Variants in NR0B1 observed in about 807,000 individuals in gnomAD.
The protein encoded by NR0B1 is nuclear receptor subfamily 0 group B member 1, also known as DSS-AHC critical region on the X chromosome protein 1.
NR0B1 carries 3 observed loss-of-function variants against 23.0 expected under a neutral mutation model. The observed-to-expected ratio is 0.13, with a 90% CI of 0.06 to 0.34. The LOEUF is 0.34. Ranked by LOEUF, NR0B1 falls within the 10% of genes least tolerant of loss-of-function variation. The pLI is 1.00. For missense variants in NR0B1, 350 were observed against 402.9 expected (o/e 0.87, Z 1.12); for synonymous variants, 205 against 184.0 (o/e 1.11, Z -0.92).
At chrX:30,306,153 A>C (rs1218678894) in intron 1 of NR0B1, among the ~76,000 whole-genome samples, 4 of 111,458 alleles carry the variant, frequency 3.6e-5, no homozygotes, top group African/African-American at 1.3e-4. Context: ...AGAGGCTTGC[A>C]TGAAACTCCA....
In NR0B1 at chrX:30,308,866, C is replaced by T. The variant is rs2269345; in HGVS notation, c.498G>A (p.Arg166=). 299,148 of 1,204,414 alleles carry T rather than the reference C, an allele frequency of 0.25. 30,177 individuals are homozygous for T. The highest frequency in any genetic ancestry group is 0.67 in the East Asian group (22,524 of 33,446). The change falls in exon 1 of 2, where the codon CGG becomes CGA. Residue 166 remains arginine (R), a synonymous_variant. Transcript: ENST00000378970. ...THVAPAAPEA[R]PGGAWWDRSY... is the part of the protein sequence containing the mutation. ...AGCGGTCCCACCACGCGCCCCCTGG[C>T]CGTGCCTCGGGCGCTGCCGGAGCCA...
rs139392265 is a variant in NR0B1, at chrX:30,306,748, C to G, written c.1168+1448G>C. On this transcript the variant is annotated intron_variant, in intron 1 of 1. Transcript: ENST00000378970. ...GGAACATAGTGGATGATTAGTAACACTGGCTGAAGGAATAAGAAGACTGTT... is the reference window on the plus strand; with the variant it reads ...GGAACATAGTGGATGATTAGTAACAGTGGCTGAAGGAATAAGAAGACTGTT... Among the ~76,000 whole-genome samples, 90 of 111,662 alleles carry G rather than the reference C, an allele frequency of 8.1e-4. 1 individual carries two copies. The East Asian group carries it at 0.023, about 29-fold the overall frequency.
Position 30,309,288 on chromosome X carries a change from C to A in NR0B1, c.76G>T (p.Ala26Ser). 8.3e-7 allele frequency: 1 copy of A among 1,207,052 alleles called. No individual in the cohort carries two copies. Among genetic ancestry groups the A allele is most frequent in the Non-Finnish European group, 1.1e-6 (1 of 893,652 alleles). The change falls in exon 1 of 2, where the codon GCT (alanine) becomes TCT (serine). Residue 26 changes from alanine to serine, a missense_variant. Around this residue, in one of 2 missense-constraint regions of NR0B1, gnomAD observed 298 missense variants for 314.0 expected, o/e 0.95. Coordinates refer to ENST00000378970, the MANE Select transcript of NR0B1 (RefSeq NM_000475.5). ...AGCCGCGTCTCTGGAGCCTCAGGAG[C>A]CGCGCGCGTTTGCTTCGCGCTCATA... ...MLMSAKQTRA[A>S]PEAPETRLVD...
In NR0B1 at chrX:30,304,417, C is replaced by A. The variant is rs1440133860; in HGVS notation, c.*162G>T. 16 of 575,595 alleles carry A rather than the reference C, an allele frequency of 2.8e-5. No individual in the cohort carries two copies. Among genetic ancestry groups the A allele is most frequent in the Non-Finnish European group, 2.7e-5 (10 of 376,141 alleles). 47.4% of individuals were successfully genotyped at this position (575,595 alleles called of 1,213,427 possible). A position where few individuals can be genotyped will look rare whatever the true frequency, so the allele number is the denominator to read the frequency against. ...AACTATGGAACAGAGAAATTTGTGACTGTCTGGAATAAAATTATTTCTTTA... is the reference window on the plus strand; with the variant it reads ...AACTATGGAACAGAGAAATTTGTGAATGTCTGGAATAAAATTATTTCTTTA... On this transcript the variant is annotated 3_prime_UTR_variant, in exon 2 of 2. Coordinates refer to ENST00000378970, the MANE Select transcript of NR0B1 (RefSeq NM_000475.5).
chrX:30,307,904 T>C (rs1361464244), intron 1 of NR0B1, among the ~76,000 whole-genome samples: 2 of 111,794 alleles, frequency 1.8e-5, no homozygotes, highest in African/African-American at 6.5e-5. Flanking sequence ...AGAATAACCA[T>C]TTCCCATGAA....
rs763718538 is a variant in NR0B1, at chrX:30,308,186, G to C, written c.1168+10C>G. The C allele has an allele frequency of 3.4e-5, 41 of 1,198,538 alleles. No homozygotes were observed. In the Admixed American group the frequency reaches 8.5e-4, roughly 25 times the overall value. On this transcript the variant is annotated intron_variant, in intron 1 of 1. Transcript: ENST00000378970. ...TGGGAAAAGCCGGCGCCTAAGGCCAGTACCCTTACCCGGGTTAAAGAGCAC... is the reference window on the plus strand; with the variant it reads ...TGGGAAAAGCCGGCGCCTAAGGCCACTACCCTTACCCGGGTTAAAGAGCAC...
chrX:30,305,844 C>T (rs759586248), intron 1 of NR0B1: 28 of 463,010 alleles, frequency 6.0e-5, no homozygotes, highest in Non-Finnish European at 9.9e-5. Flanking sequence ...CAATCATTTT[C>T]CTTCCCTTTT....
At chrX:30,306,449 G>A (rs775022530) in intron 1 of NR0B1, among the ~76,000 whole-genome samples, 6 of 111,427 alleles carry the variant, frequency 5.4e-5, no homozygotes, top group Non-Finnish European at 1.1e-4. Flanking sequence ...GCAAAGAGAG[G>A]CCACACTCTT....
At position 30,308,429 on chromosome X, in the gene NR0B1, G is replaced by C. The variant is rs766165592; in HGVS notation, c.935C>G (p.Ser312Trp). The C allele has an allele frequency of 1.7e-6, 2 of 1,202,049 alleles. No individual in the cohort carries two copies. The highest frequency in any genetic ancestry group is 1.7e-5 in the African/African-American group (1 of 57,622). The change falls in exon 1 of 2, where the codon TCG becomes TGG. Residue 312 changes from serine (S) to tryptophan (W), a missense_variant. Ser to Trp is a radical substitution (Grantham distance 177, BLOSUM62 -3). This residue lies in a region of NR0B1 where 298 missense variants were observed against 314.0 expected (regional missense o/e 0.95). Transcript: ENST00000378970. ...GATCTTCTGCAGCATGCTGGGCTCC[G>C]AGACTTCCACAGTCTCGAACTGCAA... Reference protein sequence around the residue: ...DRLQFETVEVSEPSMLQKILT... With the variant: ...DRLQFETVEVWEPSMLQKILT...
rs1926557878 is a variant in NR0B1 at position 30,308,121 on chromosome X, C to T, written c.1168+75G>A. 11 of 823,725 alleles carry T rather than the reference C, an allele frequency of 1.3e-5. No individual in the cohort carries two copies. The South Asian group carries it at 1.8e-4, about 14-fold the overall frequency. The allele number at this position is 823,725 out of a possible 1,213,427, so 67.9% of individuals were successfully genotyped here. A position where few individuals can be genotyped will look rare whatever the true frequency, so the allele number is the denominator to read the frequency against. On this transcript the variant is annotated intron_variant, in intron 1 of 1. Coordinates refer to ENST00000378970, the MANE Select transcript of NR0B1 (RefSeq NM_000475.5). ...CTGATCACTGAAAACTCGTTACTGC[C>T]CGCGCCCCTAGATAGGCACTGCCCG...
intron 1 of NR0B1, among the ~76,000 whole-genome samples, chrX:30,305,046 T>A (rs1926495960): frequency 8.9e-6 from 1 of 112,550 alleles, no homozygotes; most frequent in Admixed American, 9.4e-5. Context: ...TATGCACACG[T>A]TTGCAAATAC....
chrX:30,307,416 T>TACTTTGGAGTAAGGTC (rs57182853), intron 1 of NR0B1, among the ~76,000 whole-genome samples: 55,563 of 108,789 alleles, frequency 0.51, 11,546 homozygotes, highest in East Asian at 0.85. Flanking sequence ...ACCAACCATT[T>TACTTTGGAGTAAGGTC]ACTTGGGACC....
chrX:30,306,577 A>ATGTGTGTGTG (rs58777171), intron 1 of NR0B1, among the ~76,000 whole-genome samples: 5,809 of 92,238 alleles, frequency 0.063, 216 homozygotes, highest in Non-Finnish European at 0.092. Context: ...ATAAGGAAGA[A>ATGTGTGTGTG]TGTGTGTGTG....
In NR0B1 at chrX:30,309,109, C is replaced by T. The variant is rs759371222; in HGVS notation, c.255G>A (p.Thr85=). 1.4e-5 allele frequency: 16 copies of T among 1,175,806 alleles called. No individual in the cohort carries two copies. In the Admixed American group the frequency reaches 2.7e-4, roughly 20 times the overall value. The change falls in exon 1 of 2, where the codon ACG becomes ACA. Residue 85 remains threonine, a synonymous_variant. Coordinates refer to ENST00000378970, the MANE Select transcript of NR0B1 (RefSeq NM_000475.5). ...RQGSILYSML[T]SAKQTYAAPK... ...GTGCCGCGTACGTTTGCTTTGCGCT[C>T]GTCAGCATGCTGTAGAGGATGCTGC...
Position 30,309,279 on chromosome X carries a change from C to G in NR0B1, c.85G>C (p.Ala29Pro). The G allele has an allele frequency of 8.6e-7, 1 of 1,165,948 alleles. No homozygotes were observed. The highest frequency in any genetic ancestry group is 1.2e-6 in the Non-Finnish European group (1 of 862,808). ...TGATCCACCAGCCGCGTCTCTGGAG[C>G]CTCAGGAGCCGCGCGCGTTTGCTTC... is the stretch of plus-strand genomic sequence containing the variant. ...SAKQTRAAPE[A>P]PETRLVDQCW... The change falls in exon 1 of 2, where the codon GCT becomes CCT. Residue 29 changes from alanine (A) to proline (P), a missense_variant. Coordinates refer to ENST00000378970, the MANE Select transcript of NR0B1 (RefSeq NM_000475.5).
intron 1 of NR0B1, among the ~76,000 whole-genome samples, chrX:30,307,082 T>C (rs948289229): frequency 8.9e-6 from 1 of 111,764 alleles, no homozygotes; most frequent in African/African-American, 3.3e-5. Context: ...TCAAAAATGC[T>C]AGGCAGGGGG....
In NR0B1 at chrX:30,308,664, G is replaced by C; in HGVS notation, c.700C>G (p.Pro234Ala). The C allele has an allele frequency of 1.7e-6, 2 of 1,202,952 alleles. No homozygotes were observed. Among genetic ancestry groups the C allele is most frequent in the East Asian group, 6.0e-5 (2 of 33,564 alleles). ...QAAPEERPRA[P>A]WWDTSSGALR... is the part of the protein sequence containing the mutation. ...GCACCAGAGGAGGTGTCCCACCAGG[G>C]GGCCCTCGGCCGCTCCTCCGGAGCC... The change falls in exon 1 of 2, where the codon CCC (proline) becomes GCC (alanine). Residue 234 changes from proline to alanine, a missense_variant. This residue lies in a region of NR0B1 where 298 missense variants were observed against 314.0 expected (regional missense o/e 0.95). Coordinates refer to ENST00000378970, the MANE Select transcript of NR0B1 (RefSeq NM_000475.5).
In NR0B1 at chrX:30,309,166, G is replaced by A. The variant is rs1225870109; in HGVS notation, c.198C>T (p.Cys66=). The A allele has an allele frequency of 4.2e-6, 5 of 1,196,639 alleles. No individual in the cohort carries two copies. The Middle Eastern group carries it at 9.2e-4, about 221-fold the overall frequency. The change falls in exon 1 of 2, where the codon TGC becomes TGT. Residue 66 remains cysteine, a synonymous_variant. Transcript: ENST00000378970. The stretch of plus-strand genomic sequence containing the variant: ...GTGGGTGGTCTTTACCGCAAAAGCA[G>A]CAGCGGTACAGGAGCGCCACGTTCC... The part of the protein sequence containing the change: ...GGRNVALLYR[C]CFCGKDHPRQ...
At chrX:30,308,046 C>T in intron 1 of NR0B1, 150 bp downstream of exon 1, 1 of 512,649 alleles carries the variant, frequency 2.0e-6, no homozygotes, top group Non-Finnish European at 3.5e-6. Flanking sequence ...CTCCCCACCC[C>T]AACTCTGCTG....
Sources: allele counts gnomAD v4.1 joint callset (sites outside exome capture counted in the v4.1 genomes callset), GRCh38; gene constraint gnomAD v4.1.1; regional missense constraint gnomAD v4.1.1; transcripts MANE v1.5; gene names NCBI Gene and HGNC (gene_info 2026-07-23, HGNC 2026-07-21).